Variants in MEIS2 observed in about 807,000 individuals in gnomAD.
The protein encoded by MEIS2 is Meis homeobox 2, also known as homeobox protein Meis2.
MEIS2 carries 9 observed loss-of-function variants against 58.6 expected under a neutral mutation model. The ratio of observed to expected loss-of-function variants is 0.15; its 90% CI spans 0.09 to 0.27. The LOEUF (loss-of-function observed/expected upper bound fraction) is 0.27. Among genes scored for constraint, MEIS2 ranks in the 10% least tolerant of loss-of-function variants. The probability of loss-of-function intolerance (pLI) is 1.00; values close to 1 mark genes in which losing one functional copy is unlikely to be tolerated. For synonymous variants in MEIS2, 221 were observed against 228.4 expected (o/e 0.97, Z 0.29); for missense variants, 427 against 635.0 (o/e 0.67, Z 3.52).
intron 8 of MEIS2, among the ~76,000 whole-genome samples, chr15:36,977,826 C>A (rs2059809188): frequency 1.3e-5 from 2 of 152,130 alleles, no homozygotes; most frequent in South Asian, 2.1e-4. Context: ...TGATCACAGG[C>A]CACCACACAG....
chr15:37,051,818 A>G (rs553050329), intron 7 of MEIS2, among the ~76,000 whole-genome samples: 1 of 152,338 alleles, frequency 6.6e-6, no homozygotes, highest in East Asian at 1.9e-4. Flanking sequence ...GGAGAAGCTC[A>G]ACATAATATT....
intron 8 of MEIS2, among the ~76,000 whole-genome samples, chr15:36,957,877 G>A (rs2059041175): frequency 6.6e-6 from 1 of 152,164 alleles, no homozygotes; most frequent in Non-Finnish European, 1.5e-5. Flanking sequence ...GAGAGATTGA[G>A]ACAATCATTT....
intron 9 of MEIS2, among the ~76,000 whole-genome samples, chr15:36,913,663 A>T (rs185787391): frequency 6.6e-6 from 1 of 152,140 alleles, no homozygotes; most frequent in African/African-American, 2.4e-5. Context: ...ATTTACACAC[A>T]TATGCACCTA....
chr15:37,086,122 C>G (rs1454618324), intron 6 of MEIS2, among the ~76,000 whole-genome samples: 2 of 152,206 alleles, frequency 1.3e-5, no homozygotes, highest in Non-Finnish European at 2.9e-5. Flanking sequence ...TTTTATTAAG[C>G]TGGCTGCTAT....
At chr15:37,016,714 A>G (rs753883017) in intron 8 of MEIS2, among the ~76,000 whole-genome samples, 5 of 152,220 alleles carry the variant, frequency 3.3e-5, no homozygotes, top group Non-Finnish European at 7.3e-5. Flanking sequence ...GCTACACATT[A>G]TAAAACAGCT....
At chr15:36,935,584 C>T (rs561605760) in intron 9 of MEIS2, among the ~76,000 whole-genome samples, 15 of 152,160 alleles carry the variant, frequency 9.9e-5, no homozygotes, top group East Asian at 3.9e-4. Flanking sequence ...TATAAAGTTA[C>T]GTAGAAAAGA....
chr15:36,916,754 G>A (rs1459716515), intron 9 of MEIS2, among the ~76,000 whole-genome samples: 1 of 152,066 alleles, frequency 6.6e-6, no homozygotes, highest in Non-Finnish European at 1.5e-5. Flanking sequence ...CTTTTTTAAG[G>A]GGGCTTCATA....
At chr15:37,093,051 C>G (rs1893739408) in intron 6 of MEIS2, among the ~76,000 whole-genome samples, 1 of 152,118 alleles carries the variant, frequency 6.6e-6, no homozygotes, top group African/African-American at 2.4e-5. Context: ...AGCAAAAGCC[C>G]TGAGAATTGT....
chr15:36,935,747 T>C (rs2084067413), intron 9 of MEIS2, among the ~76,000 whole-genome samples: 1 of 152,150 alleles, frequency 6.6e-6, no homozygotes, highest in Admixed American at 6.5e-5. Flanking sequence ...ACTATGGCTT[T>C]ATCTCTAATG....
At chr15:36,974,711 T>G (rs1213493955) in intron 8 of MEIS2, among the ~76,000 whole-genome samples, 5 of 152,198 alleles carry the variant, frequency 3.3e-5, no homozygotes, top group Non-Finnish European at 2.9e-5. Flanking sequence ...CCAGCCAGCA[T>G]GAGGAACCAG....
chr15:36,977,924 C>G (rs2059811633), intron 8 of MEIS2, among the ~76,000 whole-genome samples: 1 of 152,172 alleles, frequency 6.6e-6, no homozygotes. Context: ...TGCTGAGCAA[C>G]TACTATACAC....
At chr15:37,086,193 T>G (rs1047034548) in intron 6 of MEIS2, among the ~76,000 whole-genome samples, 2 of 152,194 alleles carry the variant, frequency 1.3e-5, no homozygotes, top group African/African-American at 2.4e-5. Flanking sequence ...CAACTATGTT[T>G]TAAGGCAAAT....
At chr15:36,894,147 G>A (rs12907488) in intron 11 of MEIS2, among the ~76,000 whole-genome samples, 146,273 of 152,256 alleles carry the variant, frequency 0.96, 70,320 homozygotes, top group African/African-American at 0.98. Flanking sequence ...TCTCATGTCG[G>A]AAGTCAGTAG....
At chr15:37,006,694 T>C (rs2060935567) in intron 8 of MEIS2, among the ~76,000 whole-genome samples, 1 of 152,218 alleles carries the variant, frequency 6.6e-6, no homozygotes, top group Non-Finnish European at 1.5e-5. Flanking sequence ...TGCAGAACTG[T>C]TCGTTGTTCA....
At chr15:37,094,025 T>TA (rs1315241234) in intron 5 of MEIS2, 3 of 372,814 alleles carry the variant, frequency 8.0e-6, no homozygotes, top group African/African-American at 6.0e-5. Context: ...TCCAGGGAAT[T>TA]AAATCTGATT....
At chr15:36,933,376 G>C (rs908395376) in intron 9 of MEIS2, among the ~76,000 whole-genome samples, 1 of 152,134 alleles carries the variant, frequency 6.6e-6, no homozygotes, top group Non-Finnish European at 1.5e-5. Flanking sequence ...TATATGTATA[G>C]TTGCCTGAGA....
intron 7 of MEIS2, among the ~76,000 whole-genome samples, chr15:37,074,957 C>T (rs1891193350): frequency 6.6e-6 from 1 of 151,940 alleles, no homozygotes; most frequent in African/African-American, 2.4e-5. Flanking sequence ...TGCCCAAATG[C>T]AAACTATGAA....
chr15:36,931,140 C>CATCTTAAAG (rs1215199577), intron 9 of MEIS2, among the ~76,000 whole-genome samples: 2 of 152,084 alleles, frequency 1.3e-5, no homozygotes, highest in Non-Finnish European at 2.9e-5. Context: ...AAATATAACT[C>CATCTTAAAG]ATCTTAAAGT....
intron 7 of MEIS2, among the ~76,000 whole-genome samples, chr15:37,082,506 C>A (rs1056129941): frequency 6.6e-6 from 1 of 152,096 alleles, no homozygotes; most frequent in Admixed American, 6.6e-5. Context: ...TCATTGCTTG[C>A]AGATCCATTG....
Sources: gnomAD v4.1 joint callset for allele counts (sites outside exome capture counted in the v4.1 genomes callset) on GRCh38, gnomAD v4.1.1 for gene constraint, MANE v1.5 for transcripts, NCBI Gene and HGNC (gene_info 2026-07-23, HGNC 2026-07-21) for gene names.